The following CSMD2 variants were observed in gnomAD, a reference collection of about 807,000 sequenced individuals.
The protein encoded by CSMD2 is CUB and sushi domain-containing protein 2.
A neutral mutation model predicts 398.5 loss-of-function variants in CSMD2; 130 were observed. The observed-to-expected ratio is 0.33, with a 90% confidence interval of 0.28 to 0.38. CSMD2 has a LOEUF of 0.38. Ranked by LOEUF, CSMD2 falls within the 10% of genes least tolerant of loss-of-function variation. CSMD2 has a pLI of 1.00. For missense variants in CSMD2, 3,829 were observed against 4,764.9 expected, an observed-to-expected ratio of 0.80 and a Z score of 5.78; for synonymous variants, 1,828 against 1,908.5, an observed-to-expected ratio of 0.96 and a Z score of 1.10.
intron 5 of CSMD2, among the ~76,000 whole-genome samples, chr1:33,851,484 C>A (rs1028686689): frequency 6.6e-6 from 1 of 152,186 alleles, no homozygotes; most frequent in African/African-American, 2.4e-5. Flanking sequence ...AGGTCCTCAC[C>A]ACCTTATCCC....
At chr1:33,579,348 TAGG>T (rs1240266834) in intron 48 of CSMD2, among the ~76,000 whole-genome samples, 9 of 152,246 alleles carry the variant, frequency 5.9e-5, no homozygotes, top group Admixed American at 2.6e-4. Context: ...CCACAGCTAG[TAGG>T]TGAGAGAGCT....
At chr1:33,552,423 GACA>G (rs1657547138) in intron 55 of CSMD2, among the ~76,000 whole-genome samples, 2 of 152,160 alleles carry the variant, frequency 1.3e-5, no homozygotes, top group South Asian at 2.1e-4. Context: ...CAAGAGAATT[GACA>G]ACGTGTTCAC....
chr1:33,861,739 T>A (rs1323910234), intron 5 of CSMD2, among the ~76,000 whole-genome samples: 1 of 152,068 alleles, frequency 6.6e-6, no homozygotes, highest in Non-Finnish European at 1.5e-5. Context: ...CCTCAGAGGC[T>A]CATAAAAGTA....
chr1:34,158,191 C>T (rs1055823367), intron 1 of CSMD2, among the ~76,000 whole-genome samples: 3 of 152,170 alleles, frequency 2.0e-5, no homozygotes, highest in Non-Finnish European at 4.4e-5. Flanking sequence ...TAGAGAAACT[C>T]CCACGTTGCA....
At chr1:33,572,465 T>A (rs770343627) in intron 50 of CSMD2, 41 bp downstream of exon 50, 1 of 1,489,512 alleles carries the variant, frequency 6.7e-7, no homozygotes, top group Non-Finnish European at 9.1e-7. Flanking sequence ...GCTGCCTACC[T>A]AGCCCTTCCT....
At chr1:34,069,408 C>A (rs559165824) in intron 2 of CSMD2, among the ~76,000 whole-genome samples, 1 of 152,240 alleles carries the variant, frequency 6.6e-6, no homozygotes, top group African/African-American at 2.4e-5. Context: ...CCAGTAAGAA[C>A]CCATCACAGG....
rs71730263 is a variant in CSMD2 at position 34,030,359 on chromosome 1, ACT to A, written c.517+2233_517+2234del. 2.6e-4 allele frequency among the ~76,000 whole-genome samples: 40 copies of A among 152,252 alleles called. No homozygotes were observed. The East Asian group carries it at 7.5e-3, about 29-fold the overall frequency. On this transcript the variant is annotated intron_variant, in intron 3 of 70. Coordinates refer to ENST00000373381, the MANE Select transcript of CSMD2 (RefSeq NM_001281956.2). ...ATAGGGTCTCTGTCACAATAGCTCA[ACT>A]CTGCAGTTGTAGTGCATGAAGACAG...
chr1:33,545,641 C>CT (rs1471079044), intron 57 of CSMD2, among the ~76,000 whole-genome samples: 2 of 152,200 alleles, frequency 1.3e-5, no homozygotes, highest in Non-Finnish European at 2.9e-5. Flanking sequence ...AATACTATCA[C>CT]TGGGTGACCA....
chr1:34,087,380 C>A (rs1658003005), intron 2 of CSMD2, among the ~76,000 whole-genome samples: 1 of 151,668 alleles, frequency 6.6e-6, no homozygotes, highest in East Asian at 1.9e-4. Flanking sequence ...AACAGAAAAC[C>A]AAACACTGCA....
intron 3 of CSMD2, among the ~76,000 whole-genome samples, chr1:34,022,994 G>A (rs1170983361): frequency 6.6e-6 from 1 of 152,068 alleles, no homozygotes; most frequent in East Asian, 1.9e-4. Flanking sequence ...ACCATGCCTA[G>A]CTAATTTTCT....
intron 2 of CSMD2, among the ~76,000 whole-genome samples, chr1:34,046,919 A>G (rs935110616): frequency 4.6e-5 from 7 of 152,272 alleles, no homozygotes; most frequent in African/African-American, 1.4e-4. Context: ...ATCCTGGAAC[A>G]GGACACCTCC....
At chr1:33,617,018 G>C (rs1228766418) in intron 38 of CSMD2, 43 bp from the exon 39 acceptor site, 1 of 1,523,950 alleles carries the variant, frequency 6.6e-7, no homozygotes, top group African/African-American at 1.4e-5. Context: ...GTCCCCGTGG[G>C]CACAATTGTA....
At chr1:33,749,083 T>C (rs1393260842) in intron 13 of CSMD2, among the ~76,000 whole-genome samples, 1 of 142,256 alleles carries the variant, frequency 7.0e-6, no homozygotes, top group Non-Finnish European at 1.5e-5. Context: ...AAGCTATCAA[T>C]ACAGACTTCT....
At position 34,165,140 on chromosome 1, in the gene CSMD2, G is replaced by A. The variant is rs1329211820; in HGVS notation, c.-43C>T. ...CGAGGGAGAGGCTCCGCTCGCCGCCGAGGAGAAAGGAGGTCAGGAGAGCTC... is the reference window on the plus strand; with the variant it reads ...CGAGGGAGAGGCTCCGCTCGCCGCCAAGGAGAAAGGAGGTCAGGAGAGCTC... On this transcript the variant is annotated 5_prime_UTR_variant, in exon 1 of 71. Transcript: ENST00000373381. The A allele has an allele frequency of 1.8e-5, 22 of 1,208,686 alleles. No homozygotes were observed. In the South Asian group the frequency reaches 9.1e-4, roughly 50 times the overall value. The allele number at this position is 1,208,686 out of a possible 1,614,324, so 74.9% of individuals were successfully genotyped here. A position where few individuals can be genotyped will look rare whatever the true frequency, so the allele number is the denominator to read the frequency against.
intron 2 of CSMD2, among the ~76,000 whole-genome samples, chr1:34,062,328 A>G (rs1654605008): frequency 6.6e-6 from 1 of 152,164 alleles, no homozygotes; most frequent in Non-Finnish European, 1.5e-5. Context: ...TTTTATTACC[A>G]AGTAACACAT....
intron 37 of CSMD2, among the ~76,000 whole-genome samples, chr1:33,621,005 C>T (rs1199080260): frequency 6.6e-6 from 1 of 152,128 alleles, no homozygotes; most frequent in Non-Finnish European, 1.5e-5. Flanking sequence ...TGCACAGGCC[C>T]ATGCTGTCGC....
At chr1:34,149,808 A>G (rs1640123047) in intron 1 of CSMD2, among the ~76,000 whole-genome samples, 2 of 152,170 alleles carry the variant, frequency 1.3e-5, no homozygotes, top group Admixed American at 1.3e-4. Flanking sequence ...CACCAGCACC[A>G]GGGCTAATTG....
In CSMD2 at chr1:33,810,871, A is replaced by G; in HGVS notation, c.1325-7T>C. The G allele has an allele frequency of 6.2e-7, 1 of 1,609,542 alleles. No homozygotes were observed. Among genetic ancestry groups the G allele is most frequent in the Non-Finnish European group, 8.5e-7 (1 of 1,178,338 alleles). ...TGGGCATCACACATGCGGGCTGCAGAGGAGATGAAAGACAAGCCTTTGAAT... is the reference window on the plus strand; with the variant it reads ...TGGGCATCACACATGCGGGCTGCAGGGGAGATGAAAGACAAGCCTTTGAAT... On this transcript the variant is annotated splice_polypyrimidine_tract_variant and splice_region_variant and intron_variant, in intron 9 of 70. Coordinates refer to ENST00000373381, the MANE Select transcript of CSMD2 (RefSeq NM_001281956.2).
rs866539061 is a variant in CSMD2, at chr1:34,084,203, C to G, written c.404+4774G>C. 2.6e-5 allele frequency among the ~76,000 whole-genome samples: 4 copies of G among 152,258 alleles called. 1 individual carries two copies. The South Asian group carries it at 8.3e-4, about 32-fold the overall frequency. ...ATCTGATTCTTCTGCATCCTAAGGACAAGAGGAAGCCTTCCCTGCCAGAAC... is the reference window on the plus strand; with the variant it reads ...ATCTGATTCTTCTGCATCCTAAGGAGAAGAGGAAGCCTTCCCTGCCAGAAC... On this transcript the variant is annotated intron_variant, in intron 2 of 70. Transcript: ENST00000373381.
Sources: allele counts gnomAD v4.1 joint callset (sites outside exome capture counted in the v4.1 genomes callset), GRCh38; gene constraint gnomAD v4.1.1; transcripts MANE v1.5; gene names NCBI Gene and HGNC (gene_info 2026-07-23, HGNC 2026-07-21).